ROBO2: variants seen among roughly 807,000 people sequenced by gnomAD.
The protein encoded by ROBO2 is roundabout homolog 2.
A neutral mutation model predicts 160.8 loss-of-function variants in ROBO2; 53 were observed. The ratio of observed to expected loss-of-function variants is 0.33; its 90% CI spans 0.26 to 0.41. The LOEUF is 0.41. Ranked by LOEUF, ROBO2 falls within the 10% of genes least tolerant of loss-of-function variation. The pLI is 1.00. For missense variants in ROBO2, 1,577 were observed against 1,722.4 expected (o/e 0.92, Z 1.49); for synonymous variants, 664 against 611.7 (o/e 1.09, Z -1.26).
At chr3:77,470,470 C>T (rs986858247) in intron 2 of ROBO2, among the ~76,000 whole-genome samples, 4 of 152,148 alleles carry the variant, frequency 2.6e-5, no homozygotes, top group African/African-American at 9.7e-5. Flanking sequence ...GTGTCAGACA[C>T]ACTGGGTTGA....
Position 76,779,733 on chromosome 3 carries a change from C to CT in ROBO2, c.110-318275dup, listed in dbSNP as rs546137344. 2.3e-3 allele frequency among the ~76,000 whole-genome samples: 348 copies of CT among 150,874 alleles called. 2 individuals are homozygous for CT. Among genetic ancestry groups the CT allele is most frequent in the Middle Eastern group, 6.8e-3 (2 of 294 alleles). ...TGAAGCAGTGGAAGTAAAAATTTTC[C>CT]TTTTTTAAGGATGAGTAGTGTTCTA... On this transcript the variant is annotated intron_variant, in intron 2 of 26. Transcript: ENST00000487694.
intron 2 of ROBO2, among the ~76,000 whole-genome samples, chr3:76,559,160 C>T (rs1325448608): frequency 1.3e-5 from 2 of 152,122 alleles, no homozygotes; most frequent in Non-Finnish European, 1.5e-5. Flanking sequence ...AAAGATACCA[C>T]ACATTTTTGT....
chr3:77,116,997 G>A (rs113682240), intron 2 of ROBO2, among the ~76,000 whole-genome samples: 7 of 152,140 alleles, frequency 4.6e-5, no homozygotes, highest in East Asian at 3.9e-4. Context: ...GCTGAATATC[G>A]GAAAGATTTT....
intron 2 of ROBO2, among the ~76,000 whole-genome samples, chr3:76,443,442 A>G (rs1032959432): frequency 2.0e-5 from 3 of 152,040 alleles, no homozygotes; most frequent in Non-Finnish European, 4.4e-5. Context: ...CGTAGGGACT[A>G]TTTTACTAGT....
At chr3:76,748,951 T>G (rs1195694428) in intron 2 of ROBO2, among the ~76,000 whole-genome samples, 1 of 151,826 alleles carries the variant, frequency 6.6e-6, no homozygotes, top group Non-Finnish European at 1.5e-5. Flanking sequence ...TCAACCATAT[T>G]ATAGCTAAAT....
chr3:76,525,194 TAGAA>T (rs1385659491), intron 2 of ROBO2, among the ~76,000 whole-genome samples: 1 of 151,514 alleles, frequency 6.6e-6, no homozygotes, highest in Non-Finnish European at 1.5e-5. Context: ...CAATAAATGG[TAGAA>T]AGAAAAAGAG....
chr3:76,022,694 A>G (rs904789647), intron 2 of ROBO2, among the ~76,000 whole-genome samples: 91 of 151,856 alleles, frequency 6.0e-4, no homozygotes, highest in African/African-American at 2.1e-3. Context: ...ATATACTGTC[A>G]TTCAGACTTT....
intron 2 of ROBO2, among the ~76,000 whole-genome samples, chr3:76,202,637 T>C (rs1429405935): frequency 6.6e-6 from 1 of 152,176 alleles, no homozygotes; most frequent in Admixed American, 6.6e-5. Flanking sequence ...GAAGCAGTTG[T>C]ACAACCAAAA....
At chr3:76,213,683 G>A (rs1703300140) in intron 2 of ROBO2, among the ~76,000 whole-genome samples, 1 of 152,048 alleles carries the variant, frequency 6.6e-6, no homozygotes, top group Non-Finnish European at 1.5e-5. Context: ...GCACATAAAG[G>A]TAGAAAATCA....
chr3:77,555,031 A>G (rs1305223020), intron 8 of ROBO2, among the ~76,000 whole-genome samples: 1 of 151,950 alleles, frequency 6.6e-6, no homozygotes, highest in Non-Finnish European at 1.5e-5. Context: ...AGCTACCCCA[A>G]TCTTCAGCAA....
intron 2 of ROBO2, among the ~76,000 whole-genome samples, chr3:76,107,407 A>G (rs2069989024): frequency 6.6e-6 from 1 of 152,140 alleles, no homozygotes; most frequent in East Asian, 1.9e-4. Flanking sequence ...TATTCAAAAT[A>G]TACTCTAGAA....
In ROBO2 at chr3:76,079,180, G is replaced by A. The variant is rs916821728; in HGVS notation, c.109+141578G>A. ...AAGAAACAAGTTTTAAGAGGGATTG[G>A]TTAATGAGTACAAATATGGTTAGAT... On this transcript the variant is annotated intron_variant, in intron 2 of 26. Transcript: ENST00000487694. 3.9e-5 allele frequency among the ~76,000 whole-genome samples: 6 copies of A among 152,254 alleles called. No individual in the cohort carries two copies. The East Asian group carries it at 1.2e-3, about 29-fold the overall frequency.
intron 15 of ROBO2, among the ~76,000 whole-genome samples, chr3:77,578,170 C>A (rs1365586711): frequency 2.6e-5 from 4 of 152,032 alleles, no homozygotes; most frequent in Non-Finnish European, 5.9e-5. Context: ...TTGATTGTCT[C>A]ATTTTTCAAC....
At chr3:76,419,905 G>C (rs1290097758) in intron 2 of ROBO2, among the ~76,000 whole-genome samples, 2 of 152,070 alleles carry the variant, frequency 1.3e-5, no homozygotes, top group Admixed American at 6.6e-5. Flanking sequence ...TATATCAGTA[G>C]GTGGAAAGGC....
chr3:76,445,015 AT>A (rs766323083), intron 2 of ROBO2, among the ~76,000 whole-genome samples: 3 of 152,142 alleles, frequency 2.0e-5, no homozygotes, highest in Non-Finnish European at 4.4e-5. Context: ...CAGAATCAAC[AT>A]TCTTTATTAC....
intron 6 of ROBO2, among the ~76,000 whole-genome samples, chr3:77,535,181 C>T (rs1403454587): frequency 6.6e-6 from 1 of 151,386 alleles, no homozygotes; most frequent in Non-Finnish European, 1.5e-5. Flanking sequence ...ACATTTGTTC[C>T]TTGGTTTCAA....
At chr3:76,477,829 A>C (rs1039227391) in intron 2 of ROBO2, among the ~76,000 whole-genome samples, 3 of 152,042 alleles carry the variant, frequency 2.0e-5, no homozygotes, top group African/African-American at 7.2e-5. Flanking sequence ...CAGGCTTTAA[A>C]AACCTTTTTT....
intron 2 of ROBO2, among the ~76,000 whole-genome samples, chr3:76,644,269 G>C (rs1485497523): frequency 6.6e-6 from 1 of 151,962 alleles, no homozygotes; most frequent in Non-Finnish European, 1.5e-5. Context: ...AAAGCAAGTG[G>C]TGTTAAAAAA....
At chr3:76,896,043 A>G (rs1349451938) in intron 2 of ROBO2, among the ~76,000 whole-genome samples, 3 of 152,146 alleles carry the variant, frequency 2.0e-5, no homozygotes, top group African/African-American at 7.2e-5. Context: ...TCAGTTCTTT[A>G]CTTGCAATAT....
Sources: allele counts gnomAD v4.1 joint callset (sites outside exome capture counted in the v4.1 genomes callset), GRCh38; gene constraint gnomAD v4.1.1; transcripts MANE v1.5; gene names NCBI Gene and HGNC (gene_info 2026-07-23, HGNC 2026-07-21).